MDGA2: variants seen among roughly 807,000 people sequenced by gnomAD.
The protein encoded by MDGA2 is MAM domain-containing glycosylphosphatidylinositol anchor protein 2.
MDGA2 carries 40 observed loss-of-function variants against 117.8 expected under a neutral mutation model. The observed-to-expected ratio is 0.34, with a 90% confidence interval of 0.26 to 0.44. MDGA2 has a LOEUF of 0.44. Ranked by LOEUF, MDGA2 falls within the 20% of genes least tolerant of loss-of-function variation. The pLI, the probability that MDGA2 is intolerant of heterozygous loss-of-function variation, is 1.00. For missense variants in MDGA2, 1,123 were observed against 1,250.6 expected (o/e 0.90, Z 1.54); for synonymous variants, 452 against 439.0 (o/e 1.03, Z -0.37).
chr14:47,540,088 C>T (rs901909365), intron 1 of MDGA2, among the ~76,000 whole-genome samples: 4 of 152,182 alleles, frequency 2.6e-5, no homozygotes, highest in Admixed American at 6.5e-5. Flanking sequence ...TCTCGGCTCA[C>T]TGCAGGCTCC....
chr14:46,912,082 G>T (rs1406020514), intron 10 of MDGA2, among the ~76,000 whole-genome samples: 1 of 152,024 alleles, frequency 6.6e-6, no homozygotes, highest in Non-Finnish European at 1.5e-5. Flanking sequence ...CACAGACGAG[G>T]GAGAATATGC....
intron 1 of MDGA2, among the ~76,000 whole-genome samples, chr14:47,343,549 T>C (rs17118364): frequency 0.18 from 27,591 of 152,014 alleles, 2,820 homozygotes; most frequent in East Asian, 0.44. Context: ...TCAGTTGATA[T>C]AGCATAATTA....
chr14:47,451,657 T>A (rs1295174667), intron 1 of MDGA2, among the ~76,000 whole-genome samples: 1 of 152,154 alleles, frequency 6.6e-6, no homozygotes, highest in Non-Finnish European at 1.5e-5. Flanking sequence ...GATTTCTCTG[T>A]GCATCTTTGT....
chr14:47,341,184 T>C (rs745416055), intron 1 of MDGA2, among the ~76,000 whole-genome samples: 1 of 152,192 alleles, frequency 6.6e-6, no homozygotes, highest in Admixed American at 6.6e-5. Context: ...TTAAGGAAGA[T>C]TGCAGTTAGT....
intron 8 of MDGA2, among the ~76,000 whole-genome samples, chr14:47,008,154 G>A (rs1028636425): frequency 1.3e-5 from 2 of 151,702 alleles, no homozygotes; most frequent in South Asian, 2.1e-4. Flanking sequence ...TAAATTATGT[G>A]GACCAGGGGA....
chr14:47,144,087 G>C lies in MDGA2; in HGVS notation c.783C>G (p.Phe261Leu). The C allele has an allele frequency of 6.5e-7, 1 of 1,548,628 alleles. No individual in the cohort carries two copies. The highest frequency in any genetic ancestry group is 8.7e-7 in the Non-Finnish European group (1 of 1,145,360). ...GTACCTTAATTCATACCTGGGTAAAGAATGGTTCATAAATCTCAACTCCTT... is the reference window on the plus strand; with the variant it reads ...GTACCTTAATTCATACCTGGGTAAACAATGGTTCATAAATCTCAACTCCTT... Reference protein sequence around the residue: ...SDKGVEIYEPFFTQGETKILK... With the variant: ...SDKGVEIYEPLFTQGETKILK... The change falls in exon 4 of 17, where the codon TTC becomes TTG. Residue 261 changes from phenylalanine (F) to leucine (L), a missense_variant. Transcript: ENST00000399232.
intron 8 of MDGA2, among the ~76,000 whole-genome samples, chr14:47,014,395 C>T (rs1472589634): frequency 1.3e-5 from 2 of 152,128 alleles, no homozygotes; most frequent in African/African-American, 4.8e-5. Flanking sequence ...AGTTTTGAAG[C>T]CAGTCATTGA....
At chr14:47,614,313 C>T (rs1459609339) in intron 1 of MDGA2, among the ~76,000 whole-genome samples, 1 of 151,944 alleles carries the variant, frequency 6.6e-6, no homozygotes, top group African/African-American at 2.4e-5. Flanking sequence ...TGGTCTCAAA[C>T]TCCTGACTTC....
In MDGA2 at chr14:47,562,033, T is replaced by C. The variant is rs367546298; in HGVS notation, c.280+112484A>G. On this transcript the variant is annotated intron_variant, in intron 1 of 16. Coordinates refer to ENST00000399232, the MANE Select transcript of MDGA2 (RefSeq NM_001113498.3). ...TGTCTACAGGATAAATCCCATTTAC[T>C]GATTTGCAAATATTGAACCAACTTT... Among the ~76,000 whole-genome samples, 17 of 152,360 alleles carry C rather than the reference T, an allele frequency of 1.1e-4. No individual in the cohort carries two copies. In the East Asian group the frequency reaches 1.9e-3, roughly 17 times the overall value.
At chr14:47,104,090 T>G (rs61992545) in intron 5 of MDGA2, among the ~76,000 whole-genome samples, 10,881 of 152,286 alleles carry the variant, frequency 0.071, 452 homozygotes, top group Middle Eastern at 0.13. Flanking sequence ...CAGGCTTGAC[T>G]GGGATATTTA....
chr14:47,514,042 G>A (rs976740567), intron 1 of MDGA2, among the ~76,000 whole-genome samples: 4 of 152,074 alleles, frequency 2.6e-5, no homozygotes, highest in African/African-American at 9.7e-5. Context: ...TTGAAACTCA[G>A]AAGTTGACAA....
At chr14:47,282,561 G>T (rs551736019) in intron 2 of MDGA2, among the ~76,000 whole-genome samples, 1 of 151,992 alleles carries the variant, frequency 6.6e-6, no homozygotes, top group Admixed American at 6.6e-5. Context: ...AGCCGGGTGT[G>T]GCGGCAGGCG....
At chr14:47,242,873 T>C (rs1191354084) in intron 2 of MDGA2, among the ~76,000 whole-genome samples, 3 of 151,784 alleles carry the variant, frequency 2.0e-5, no homozygotes, top group Non-Finnish European at 3.0e-5. Flanking sequence ...GCAGCCCCGG[T>C]GTGGGATCCA....
At chr14:47,600,283 T>G (rs548596965) in intron 1 of MDGA2, among the ~76,000 whole-genome samples, 13 of 151,798 alleles carry the variant, frequency 8.6e-5, no homozygotes, top group South Asian at 4.2e-4. Context: ...TTGTATTTTT[T>G]GGGGATTGCA....
chr14:47,449,998 T>C (rs934200875), intron 1 of MDGA2, among the ~76,000 whole-genome samples: 1 of 152,156 alleles, frequency 6.6e-6, no homozygotes, highest in African/African-American at 2.4e-5. Flanking sequence ...GTCACTACTT[T>C]TTAAAAACTG....
rs372387407 is a variant in MDGA2, at chr14:47,281,391, C to G, written c.420+20020G>C. On this transcript the variant is annotated intron_variant, in intron 2 of 16. Coordinates refer to ENST00000399232, the MANE Select transcript of MDGA2 (RefSeq NM_001113498.3). ...TTTTGATGCCAATTAATACATTTCT[C>G]TATCCAGGTATTTTCCAGAATTTGT... 2.9e-4 allele frequency among the ~76,000 whole-genome samples: 44 copies of G among 152,206 alleles called. No individual in the cohort carries two copies. The East Asian group carries it at 7.5e-3, about 26-fold the overall frequency.
intron 5 of MDGA2, among the ~76,000 whole-genome samples, chr14:47,118,806 T>A (rs1253674501): frequency 1.3e-5 from 2 of 152,180 alleles, no homozygotes; most frequent in Non-Finnish European, 2.9e-5. Context: ...TGATCAGAGC[T>A]CACTGCAGCC....
At chr14:47,207,233 G>C (rs922217470) in intron 3 of MDGA2, among the ~76,000 whole-genome samples, 21 of 151,880 alleles carry the variant, frequency 1.4e-4, no homozygotes, top group African/African-American at 5.1e-4. Flanking sequence ...TGGGGAGCAG[G>C]GAGGTGAGGT....
chr14:47,173,030 A>T (rs964905594), intron 3 of MDGA2, among the ~76,000 whole-genome samples: 3 of 152,186 alleles, frequency 2.0e-5, no homozygotes, highest in Non-Finnish European at 4.4e-5. Context: ...GATGCGATCA[A>T]CTGGAAGAAA....
Sources: allele counts gnomAD v4.1 joint callset (sites outside exome capture counted in the v4.1 genomes callset), GRCh38; gene constraint gnomAD v4.1.1; transcripts MANE v1.5; gene names NCBI Gene and HGNC (gene_info 2026-07-23, HGNC 2026-07-21).